The following USP46 variants were observed in gnomAD, a reference collection of about 807,000 sequenced individuals.
USP46 encodes ubiquitin specific peptidase 46.
Under a neutral mutation model 44.4 loss-of-function variants are expected in USP46, and 12 were observed. The observed-to-expected ratio is 0.27, with a 90% CI of 0.17 to 0.44. The LOEUF is 0.44. Among genes scored for constraint, USP46 ranks in the 20% least tolerant of loss-of-function variants. The probability of loss-of-function intolerance (pLI) is 1.00; values close to 1 mark genes in which losing one functional copy is unlikely to be tolerated. For missense variants in USP46, 248 were observed against 444.8 expected, an observed-to-expected ratio of 0.56 and a Z score of 3.98; for synonymous variants, 155 against 161.5, an observed-to-expected ratio of 0.96 and a Z score of 0.31.
At chr4:52,608,024 T>A (rs1464206916) in intron 5 of USP46, among the ~76,000 whole-genome samples, 2 of 152,140 alleles carry the variant, frequency 1.3e-5, no homozygotes, top group African/African-American at 4.8e-5. Context: ...TGGTTCACAG[T>A]CAGTTATAGA....
chr4:52,658,371 C>T (rs1273402577), intron 1 of USP46: 2 of 430,700 alleles, frequency 4.6e-6, no homozygotes, highest in Non-Finnish European at 9.4e-6. Context: ...CAGTGATGTC[C>T]CTGGCTGTAT....
rs928442469 is a variant in USP46 at position 52,593,041 on chromosome 4, G to A, written c.*4599C>T. On this transcript the variant is annotated 3_prime_UTR_variant, in exon 9 of 9. Coordinates refer to ENST00000441222, the MANE Select transcript of USP46 (RefSeq NM_022832.4). The stretch of plus-strand genomic sequence containing the variant: ...TTCTTCAGAAATGACCCACGCTCAG[G>A]TATGTCTTTATAGCACTGCCAGAAT... 3 of 397,862 alleles carry A rather than the reference G, an allele frequency of 7.5e-6. No individual in the cohort carries two copies. Among genetic ancestry groups the A allele is most frequent in the Non-Finnish European group, 1.3e-5 (3 of 225,846 alleles). 24.6% of individuals were successfully genotyped at this position (397,862 alleles called of 1,614,324 possible).
At position 52,601,906 on chromosome 4, in the gene USP46, T is replaced by C; in HGVS notation, c.871A>G (p.Asn291Asp). The change falls in exon 7 of 9, where the codon AAC (asparagine) becomes GAC (aspartate). Residue 291 changes from asparagine (N) to aspartate (D), a missense_variant. By Grantham distance (23) the Asn-to-Asp change is conservative. This residue lies in a region of USP46 where 98 missense variants were observed against 218.2 expected (regional missense o/e 0.45). Transcript: ENST00000441222. ...ACCAAGTCATACATGCGGTCCAGGTTCACTGCATCACTGGAGGTGTTGAAG... is the reference window on the plus strand; with the variant it reads ...ACCAAGTCATACATGCGGTCCAGGTCCACTGCATCACTGGAGGTGTTGAAG... ...RLFNTSSDAVNLDRMYDLVAV... is the reference protein window; with the variant it reads ...RLFNTSSDAVDLDRMYDLVAV... 1 of 1,613,932 alleles carries C rather than the reference T, an allele frequency of 6.2e-7. No homozygotes were observed. Among genetic ancestry groups the C allele is most frequent in the Non-Finnish European group, 8.5e-7 (1 of 1,179,880 alleles).
intron 4 of USP46, among the ~76,000 whole-genome samples, chr4:52,617,012 C>T (rs1443526463): frequency 2.0e-5 from 3 of 152,144 alleles, no homozygotes; most frequent in African/African-American, 7.2e-5. Context: ...TATCTGTATG[C>T]TAGTAAACAA....
At chr4:52,632,948 G>GA (rs1336596387) in intron 1 of USP46, among the ~76,000 whole-genome samples, 3 of 66,600 alleles carry the variant, frequency 4.5e-5, no homozygotes, top group African/African-American at 2.3e-4. Flanking sequence ...AAGAAAGAAA[G>GA]AAAGAAAGAA....
chr4:52,634,441 G>A lies in USP46; in HGVS notation c.37-3297C>T, dbSNP rs1482500716. On this transcript the variant is annotated intron_variant, in intron 1 of 8. Transcript: ENST00000441222. ...GGAGAATCACTTGAACCCAGGAGGC[G>A]GAGGTTGCAGTGAGCTGAGATCACG... 1.3e-4 allele frequency among the ~76,000 whole-genome samples: 19 copies of A among 147,006 alleles called. No homozygotes were observed. In the East Asian group the frequency reaches 2.3e-3, roughly 18 times the overall value.
At chr4:52,608,145 A>C (rs1716770918) in intron 5 of USP46, among the ~76,000 whole-genome samples, 1 of 152,232 alleles carries the variant, frequency 6.6e-6, no homozygotes, top group Non-Finnish European at 1.5e-5. Context: ...TAAGAAATGC[A>C]CACTTTTACA....
At chr4:52,598,795 T>C in intron 7 of USP46, 89 bp from the exon 8 acceptor site, 1 of 1,288,138 alleles carries the variant, frequency 7.8e-7, no homozygotes, top group Non-Finnish European at 1.1e-6. Context: ...AGTGATTCTC[T>C]GGGAAAAAAA....
At chr4:52,624,461 A>C (rs1168934218) in intron 4 of USP46, among the ~76,000 whole-genome samples, 1 of 152,182 alleles carries the variant, frequency 6.6e-6, no homozygotes, top group Non-Finnish European at 1.5e-5. Context: ...ATTACCGGTA[A>C]CTTTTAGTCT....
chr4:52,614,300 C>A (rs191208247), intron 4 of USP46, among the ~76,000 whole-genome samples: 2 of 152,104 alleles, frequency 1.3e-5, no homozygotes, highest in Admixed American at 6.5e-5. Flanking sequence ...TGGTGAAAGA[C>A]ATCCATTAAT....
intron 1 of USP46, among the ~76,000 whole-genome samples, chr4:52,657,916 T>A (rs7663559): frequency 0.13 from 19,159 of 152,172 alleles, 1,213 homozygotes; most frequent in African/African-American, 0.16. Flanking sequence ...CATGTGTTGA[T>A]CTTGCAACAG....
chr4:52,614,935 T>C (rs1717064265), intron 4 of USP46, among the ~76,000 whole-genome samples: 1 of 152,166 alleles, frequency 6.6e-6, no homozygotes. Flanking sequence ...AATAGTATCA[T>C]TATTATGTGT....
intron 1 of USP46, among the ~76,000 whole-genome samples, chr4:52,635,732 C>G (rs535475307): frequency 6.6e-6 from 1 of 152,324 alleles, no homozygotes; most frequent in African/African-American, 2.4e-5. Context: ...CACACACCCA[C>G]ACTGCCCCAA....
At position 52,631,022 on chromosome 4, in the gene USP46, C is replaced by A. The variant is rs150445059; in HGVS notation, c.117+42G>T. 2.0e-6 allele frequency: 3 copies of A among 1,513,142 alleles called. No homozygotes were observed. In the East Asian group the frequency reaches 7.4e-5, roughly 37 times the overall value. 93.7% of individuals were successfully genotyped at this position (1,513,142 alleles called of 1,614,324 possible). ...ACTTAAAGTGGAGTTGCTTCATATA[C>A]CCTAAAACATTTGATGAAAATAATA... is the stretch of plus-strand genomic sequence containing the variant. On this transcript the variant is annotated intron_variant, in intron 2 of 8. Coordinates refer to ENST00000441222, the MANE Select transcript of USP46 (RefSeq NM_022832.4).
At chr4:52,628,739 G>T (rs376221084) in intron 2 of USP46, among the ~76,000 whole-genome samples, 7 of 152,226 alleles carry the variant, frequency 4.6e-5, no homozygotes, top group African/African-American at 1.7e-4. Context: ...ACACAGCAAC[G>T]CAGGCAAAAA....
At chr4:52,624,104 T>C (rs1352183268) in intron 4 of USP46, among the ~76,000 whole-genome samples, 2 of 151,732 alleles carry the variant, frequency 1.3e-5, no homozygotes, top group Non-Finnish European at 2.9e-5. Context: ...TGTGTTGGGG[T>C]TGGGGGGTTG....
At chr4:52,636,849 G>T (rs1467330375) in intron 1 of USP46, among the ~76,000 whole-genome samples, 3 of 147,726 alleles carry the variant, frequency 2.0e-5, no homozygotes, top group South Asian at 2.2e-4. Flanking sequence ...TCACTCTATT[G>T]CCCAGACTGC....
intron 4 of USP46, among the ~76,000 whole-genome samples, chr4:52,623,311 A>T (rs1717448989): frequency 6.6e-6 from 1 of 152,254 alleles, no homozygotes; most frequent in South Asian, 2.1e-4. Flanking sequence ...AAACGTATAC[A>T]AAGTTATTCT....
chr4:52,610,900 G>T (rs185471594), intron 4 of USP46, among the ~76,000 whole-genome samples: 1 of 151,956 alleles, frequency 6.6e-6, no homozygotes, highest in African/African-American at 2.4e-5. Flanking sequence ...TTTTCCCATC[G>T]TTTCAAAGTA....
Sources: allele counts gnomAD v4.1 joint callset (sites outside exome capture counted in the v4.1 genomes callset), GRCh38; gene constraint gnomAD v4.1.1; regional missense constraint gnomAD v4.1.1; transcripts MANE v1.5; gene names NCBI Gene and HGNC (gene_info 2026-07-23, HGNC 2026-07-21).